The following COPS5 variants were observed in gnomAD, a reference collection of about 807,000 sequenced individuals.
The protein encoded by COPS5 is COP9 signalosome complex subunit 5.
In COPS5, 8 loss-of-function variants were observed where a neutral mutation model predicts 44.4. The ratio of observed to expected loss-of-function variants is 0.18; its 90% confidence interval spans 0.11 to 0.32. The LOEUF (loss-of-function observed/expected upper bound fraction) is 0.32, where lower values mean the gene tolerates loss of function less well. COPS5 is among the 10% of genes least tolerant of loss of function. COPS5 has a pLI of 1.00. For synonymous variants in COPS5, 122 were observed against 142.8 expected (o/e 0.85, Z 1.04); for missense variants, 159 against 406.4 (o/e 0.39, Z 5.23).
At position 67,043,348 on chromosome 8, in the gene COPS5, C is replaced by T. The variant is rs766195240; in HGVS notation, c.921-31G>A. On this transcript the variant is annotated intron_variant, in intron 7 of 7. Coordinates refer to ENST00000357849, the MANE Select transcript of COPS5 (RefSeq NM_006837.3). ...AAAAAAAACACACATCACATGATGT[C>T]ATAAATTGAAAACTATTTCAAACAC... The T allele has an allele frequency of 5.0e-5, 68 of 1,359,430 alleles. 2 individuals are homozygous for T. In the South Asian group the frequency reaches 7.8e-4, roughly 16 times the overall value. 84.2% of individuals were successfully genotyped at this position (1,359,430 alleles called of 1,614,324 possible). A position where few individuals can be genotyped will look rare whatever the true frequency, so the allele number is the denominator to read the frequency against.
chr8:67,061,310 T>C (rs1804614683), intron 1 of COPS5: 2 of 404,300 alleles, frequency 4.9e-6, no homozygotes, highest in Admixed American at 3.5e-5. Context: ...AAAAAACTAT[T>C]ATAGGCCCAG....
chr8:67,061,426 T>C (rs1002249951), intron 1 of COPS5: 7 of 447,726 alleles, frequency 1.6e-5, no homozygotes, highest in Non-Finnish European at 3.1e-5. Flanking sequence ...CCCATTTCTA[T>C]TAAAAAAAAA....
chr8:67,059,517 TAA>T, intron 1 of COPS5, 72 bp from the exon 2 acceptor site: 1 of 1,123,858 alleles, frequency 8.9e-7, no homozygotes, highest in East Asian at 2.5e-5. Context: ...TTTATGAAGA[TAA>T]AGAGTAAGTA....
chr8:67,051,409 G>A, intron 5 of COPS5, 68 bp from the exon 6 acceptor site: 1 of 824,170 alleles, frequency 1.2e-6, no homozygotes, highest in South Asian at 1.6e-5. Context: ...TAAAACTTAT[G>A]GCCAGATTTA....
chr8:67,059,634 C>A, intron 1 of COPS5, 189 bp from the exon 2 acceptor site: 1 of 581,990 alleles, frequency 1.7e-6, no homozygotes, highest in Non-Finnish European at 3.1e-6. Flanking sequence ...CATAGTGCAG[C>A]AACGTATCCC....
chr8:67,061,182 G>C (rs1018857310), intron 1 of COPS5: 1 of 208,778 alleles, frequency 4.8e-6, no homozygotes, highest in Non-Finnish European at 9.9e-6. Context: ...TATTGTTGAA[G>C]GGCAAAAGGT....
chr8:67,043,612 AATATT>A (rs145994137), intron 7 of COPS5: 13,887 of 185,746 alleles, frequency 0.075, 1,152 homozygotes, highest in African/African-American at 0.22. Flanking sequence ...GATTGATTCT[AATATT>A]ATATTATATT....
chr8:67,053,427 G>A (rs774953380), intron 5 of COPS5, among the ~76,000 whole-genome samples: 1 of 151,766 alleles, frequency 6.6e-6, no homozygotes, highest in Admixed American at 6.6e-5. Flanking sequence ...CATGCTGGGC[G>A]TGTTGGCTCA....
At chr8:67,053,499 G>A (rs1343258427) in intron 5 of COPS5, among the ~76,000 whole-genome samples, 2 of 149,828 alleles carry the variant, frequency 1.3e-5, no homozygotes, top group Non-Finnish European at 3.0e-5. Flanking sequence ...TCAGGAGTTC[G>A]AGACCAGCAT....
At chr8:67,059,681 AT>A in intron 1 of COPS5, 1 of 480,396 alleles carries the variant, frequency 2.1e-6, no homozygotes, top group South Asian at 2.4e-5. Context: ...TACTTTTTTA[AT>A]ATGCTATTCA....
chr8:67,047,481 T>C (rs976315476), intron 6 of COPS5, among the ~76,000 whole-genome samples: 3 of 152,146 alleles, frequency 2.0e-5, no homozygotes, highest in Admixed American at 6.6e-5. Flanking sequence ...AAAATGACAA[T>C]AAAAGATATC....
chr8:67,056,500 A>G lies in COPS5; in HGVS notation c.659+19T>C, dbSNP rs1016604525. On this transcript the variant is annotated intron_variant, in intron 5 of 7. Coordinates refer to ENST00000357849, the MANE Select transcript of COPS5 (RefSeq NM_006837.3). ...GTGAGTCACCGTGCCTGGCCCAGAT[A>G]TGTTTTTAAATTACTTACTGTTTGC... The G allele has an allele frequency of 2.1e-6, 2 of 938,924 alleles. No individual in the cohort carries two copies. Among genetic ancestry groups the G allele is most frequent in the African/African-American group, 1.7e-5 (1 of 58,812 alleles). The allele number at this position is 938,924 out of a possible 1,614,324, so 58.2% of individuals were successfully genotyped here.
chr8:67,055,583 G>C (rs139351800), intron 5 of COPS5, among the ~76,000 whole-genome samples: 54 of 152,106 alleles, frequency 3.6e-4, no homozygotes, highest in African/African-American at 1.2e-3. Flanking sequence ...AAAAAGGTAC[G>C]TAGGCCGGGC....
At chr8:67,050,086 T>C (rs1246160243) in intron 6 of COPS5, among the ~76,000 whole-genome samples, 1 of 151,708 alleles carries the variant, frequency 6.6e-6, no homozygotes, top group Non-Finnish European at 1.5e-5. Context: ...CTGCAGGCTC[T>C]GCCCCCCGGG....
At chr8:67,046,671 A>G (rs548178190) in intron 6 of COPS5, among the ~76,000 whole-genome samples, 28 of 151,840 alleles carry the variant, frequency 1.8e-4, no homozygotes, top group African/African-American at 6.8e-4. Flanking sequence ...AAATACAAAA[A>G]AATTAGCCGG....
intron 5 of COPS5, among the ~76,000 whole-genome samples, chr8:67,052,416 A>G (rs1216626616): frequency 6.6e-6 from 1 of 151,116 alleles, no homozygotes; most frequent in African/African-American, 2.4e-5. Context: ...CAAAAGGTTA[A>G]GAATTTTTTT....
At chr8:67,047,190 T>C (rs1219515326) in intron 6 of COPS5, among the ~76,000 whole-genome samples, 4 of 152,214 alleles carry the variant, frequency 2.6e-5, no homozygotes, top group Non-Finnish European at 5.9e-5. Context: ...TGTCGTTCTA[T>C]TTGCTCAGTT....
At chr8:67,044,266 C>CAA (rs1250543542) in intron 7 of COPS5, 1 of 151,900 alleles carries the variant, frequency 6.6e-6, no homozygotes, top group Non-Finnish European at 1.5e-5. Context: ...AGGCTGGTTT[C>CAA]AAACTCTTGA....
intron 1 of COPS5, chr8:67,059,681 A>G: frequency 2.1e-6 from 1 of 480,396 alleles, no homozygotes; most frequent in Non-Finnish European, 3.8e-6. Flanking sequence ...TACTTTTTTA[A>G]TATGCTATTC....
Sources: allele counts gnomAD v4.1 joint callset (sites outside exome capture counted in the v4.1 genomes callset), GRCh38; gene constraint gnomAD v4.1.1; transcripts MANE v1.5; gene names NCBI Gene and HGNC (gene_info 2026-07-23, HGNC 2026-07-21).